The following SGCD variants were observed in gnomAD, a reference collection of about 807,000 sequenced individuals.
SGCD encodes sarcoglycan delta.
SGCD carries 18 observed loss-of-function variants against 36.6 expected under a neutral mutation model. The ratio of observed to expected loss-of-function variants is 0.49; its 90% confidence interval spans 0.34 to 0.73. The LOEUF (loss-of-function observed/expected upper bound fraction) is 0.73. SGCD is among the 30% of genes least tolerant of loss of function. SGCD has a pLI of 0.01. For missense variants in SGCD, 387 were observed against 346.7 expected (o/e 1.12, Z -0.92); for synonymous variants, 133 against 130.6 (o/e 1.02, Z -0.12).
At chr5:156,607,715 A>AC (rs1761541920) in intron 6 of SGCD, among the ~76,000 whole-genome samples, 1 of 536 alleles carries the variant, frequency 1.9e-3, no homozygotes, top group Non-Finnish European at 3.6e-3. Flanking sequence ...TTTTTCCCTC[A>AC]TTTCAGAGCC....
At chr5:155,874,687 T>A (rs1472599807) in intron 1 of SGCD, among the ~76,000 whole-genome samples, 1 of 151,914 alleles carries the variant, frequency 6.6e-6, no homozygotes, top group Non-Finnish European at 1.5e-5. Context: ...CCGGGGGAGA[T>A]GCACGTTTAA....
chr5:155,799,869 A>T, the SGCD span, among the ~76,000 whole-genome samples: 1 of 116,616 alleles, frequency 8.6e-6, no homozygotes, highest in Non-Finnish European at 1.6e-5. Flanking sequence ...CCCAGGCTGG[A>T]GTGCACTGGT....
the SGCD span, among the ~76,000 whole-genome samples, chr5:155,732,433 G>A: frequency 8.1e-4 from 124 of 152,258 alleles, no homozygotes; most frequent in Middle Eastern, 3.4e-3. Flanking sequence ...CTAGGCTGAT[G>A]GAGCCAAAAG....
chr5:156,381,798 G>A (rs1580902018), intron 3 of SGCD, among the ~76,000 whole-genome samples: 1 of 152,216 alleles, frequency 6.6e-6, no homozygotes, highest in Non-Finnish European at 1.5e-5. Flanking sequence ...TCCGCTCAAA[G>A]CTGGGGTTCA....
rs189890860 is a variant in SGCD, at chr5:156,635,891, G to T, written c.503-11573G>T. Among the ~76,000 whole-genome samples the T allele has an allele frequency of 2.8e-4, 43 of 151,542 alleles. No individual in the cohort carries two copies. In the East Asian group the frequency reaches 5.1e-3, roughly 18 times the overall value. On this transcript the variant is annotated intron_variant, in intron 6 of 8. Coordinates refer to ENST00000337851, the MANE Select transcript of SGCD (RefSeq NM_000337.6). ...CACACATGGGGGCCTGTTGTGGGGT[G>T]GGGGGAGGCGGGAGGGATAGCATTA...
chr5:156,161,984 T>C (rs1490559064), intron 3 of SGCD, among the ~76,000 whole-genome samples: 1 of 151,316 alleles, frequency 6.6e-6, no homozygotes, highest in East Asian at 1.9e-4. Context: ...GTCAAACTTT[T>C]GATTTCCCCC....
chr5:155,816,608 A>G, the SGCD span, among the ~76,000 whole-genome samples: 1 of 152,152 alleles, frequency 6.6e-6, no homozygotes, highest in East Asian at 1.9e-4. Flanking sequence ...GGTCAACTGT[A>G]ATTAGTTTTG....
At chr5:156,290,001 G>A (rs751339900) in intron 3 of SGCD, among the ~76,000 whole-genome samples, 6 of 152,086 alleles carry the variant, frequency 3.9e-5, no homozygotes, top group Non-Finnish European at 7.4e-5. Context: ...AATCTTATAG[G>A]CAGGGGCAAT....
chr5:156,007,092 G>A (rs1758772740), intron 1 of SGCD, among the ~76,000 whole-genome samples: 2 of 152,130 alleles, frequency 1.3e-5, no homozygotes, highest in African/African-American at 4.8e-5. Context: ...AAGTACCCCT[G>A]CTACTTCCCT....
intron 7 of SGCD, among the ~76,000 whole-genome samples, chr5:156,719,252 T>C (rs1203660347): frequency 1.3e-5 from 2 of 152,160 alleles, no homozygotes; most frequent in African/African-American, 2.4e-5. Context: ...ACTGTTGTTC[T>C]TCCAGGGAAG....
rs977792590 is a variant in SGCD, at chr5:155,898,815, C to T, written c.-282+28391C>T. On this transcript the variant is annotated intron_variant, in intron 1 of 9. Coordinates refer to the SGCD transcript ENST00000517913. ...GTTGGAGTGGCAAGAGAAGGAAACT[C>T]TCTTAACACACTTCTCTCCATTTAT... 3.3e-5 allele frequency among the ~76,000 whole-genome samples: 5 copies of T among 152,192 alleles called. No homozygotes were observed. In the East Asian group the frequency reaches 9.6e-4, roughly 29 times the overall value.
At chr5:156,713,411 G>T (rs1289260517) in intron 7 of SGCD, among the ~76,000 whole-genome samples, 2 of 140,532 alleles carry the variant, frequency 1.4e-5, no homozygotes, top group Admixed American at 6.9e-5. Context: ...TGAACATGTC[G>T]GGGGGGGCGT....
At chr5:156,278,769 A>G (rs992452124) in intron 3 of SGCD, among the ~76,000 whole-genome samples, 10 of 152,228 alleles carry the variant, frequency 6.6e-5, no homozygotes, top group South Asian at 2.1e-4. Context: ...AATGTTATCA[A>G]TGCTATAGAC....
At chr5:156,758,831 A>T (rs1757436654) in intron 8 of SGCD, among the ~76,000 whole-genome samples, 1 of 152,186 alleles carries the variant, frequency 6.6e-6, no homozygotes, top group Non-Finnish European at 1.5e-5. Flanking sequence ...AAGTTGGAAA[A>T]TGTTACATAC....
the SGCD span, among the ~76,000 whole-genome samples, chr5:155,745,706 T>C: frequency 6.6e-6 from 1 of 151,566 alleles, no homozygotes; most frequent in Non-Finnish European, 1.5e-5. Flanking sequence ...TCTTGGAAAA[T>C]GGGCAAAGTT....
intron 3 of SGCD, among the ~76,000 whole-genome samples, chr5:156,268,801 T>G (rs1285527256): frequency 1.3e-5 from 2 of 152,122 alleles, no homozygotes; most frequent in Non-Finnish European, 2.9e-5. Context: ...TTCATATTGA[T>G]CAGGCTGGTC....
chr5:156,451,804 T>C (rs373776969), intron 3 of SGCD, among the ~76,000 whole-genome samples: 1 of 152,298 alleles, frequency 6.6e-6, no homozygotes, highest in Non-Finnish European at 1.5e-5. Context: ...TGAGAAGTTA[T>C]TGACATACTT....
chr5:156,188,670 C>CCT (rs1561556999), intron 3 of SGCD, among the ~76,000 whole-genome samples: 1 of 134,938 alleles, frequency 7.4e-6, no homozygotes, highest in African/African-American at 2.7e-5. Flanking sequence ...CCCCAACCGC[C>CCT]CCCCCCGACA....
At chr5:156,373,197 C>T (rs1256070136) in intron 3 of SGCD, among the ~76,000 whole-genome samples, 3 of 152,116 alleles carry the variant, frequency 2.0e-5, no homozygotes, top group Non-Finnish European at 4.4e-5. Context: ...GTGTAATTTT[C>T]TCTAAAAAGA....
Sources: gnomAD v4.1 joint callset for allele counts (sites outside exome capture counted in the v4.1 genomes callset) on GRCh38, gnomAD v4.1.1 for gene constraint, MANE v1.5 for transcripts, NCBI Gene and HGNC (gene_info 2026-07-23, HGNC 2026-07-21) for gene names.